Variants in CNTNAP2 observed in about 807,000 individuals in gnomAD.
CNTNAP2 encodes the protein contactin associated protein 2, also known as contactin-associated protein-like 2.
CNTNAP2 carries 98 observed loss-of-function variants against 155.2 expected under a neutral mutation model. The ratio of observed to expected loss-of-function variants is 0.63; its 90% CI spans 0.54 to 0.75. The LOEUF is 0.75. Among genes scored for constraint, CNTNAP2 ranks in the 30% least tolerant of loss-of-function variants. CNTNAP2 has a pLI of 0.00. For missense variants in CNTNAP2, 1,727 were observed against 1,688.1 expected, an observed-to-expected ratio of 1.02 and a Z score of -0.40; for synonymous variants, 651 against 631.2, an observed-to-expected ratio of 1.03 and a Z score of -0.47.
chr7:148,127,979 C>G (rs1307588308), intron 16 of CNTNAP2, among the ~76,000 whole-genome samples: 1 of 152,258 alleles, frequency 6.6e-6, no homozygotes, highest in South Asian at 2.1e-4. Flanking sequence ...AAGTGATCCT[C>G]TCACCTCAGC....
chr7:147,073,988 T>G (rs1456323831), intron 4 of CNTNAP2, among the ~76,000 whole-genome samples: 1 of 152,186 alleles, frequency 6.6e-6, no homozygotes, highest in Non-Finnish European at 1.5e-5. Flanking sequence ...GTTCGCTCTT[T>G]TAAACAGCCT....
intron 1 of CNTNAP2, among the ~76,000 whole-genome samples, chr7:146,145,095 TA>T (rs1186642622): frequency 6.6e-6 from 1 of 152,150 alleles, no homozygotes; most frequent in Admixed American, 6.5e-5. Context: ...GCAAAATAAA[TA>T]TACAAAATGT....
At chr7:147,920,130 G>A (rs539533589) in intron 14 of CNTNAP2, among the ~76,000 whole-genome samples, 105 of 151,572 alleles carry the variant, frequency 6.9e-4, no homozygotes, top group Non-Finnish European at 1.0e-3. Flanking sequence ...AGGCCGAGGC[G>A]GGCAGATCAC....
intron 1 of CNTNAP2, among the ~76,000 whole-genome samples, chr7:146,634,548 C>G (rs1031208577): frequency 6.6e-6 from 1 of 152,046 alleles, no homozygotes. Flanking sequence ...ACTGATTTTA[C>G]CCCTGATCAG....
At chr7:147,935,238 T>C (rs1433802450) in intron 14 of CNTNAP2, among the ~76,000 whole-genome samples, 3 of 152,128 alleles carry the variant, frequency 2.0e-5, no homozygotes, top group African/African-American at 7.2e-5. Flanking sequence ...GCGACTCTCC[T>C]GCCTCAGCCT....
In CNTNAP2 at chr7:147,383,844, T is replaced by TA. The variant is rs1483744845; in HGVS notation, c.1499-11764dup. Among the ~76,000 whole-genome samples the TA allele has an allele frequency of 7.9e-5, 12 of 151,738 alleles. No individual in the cohort carries two copies. The East Asian group carries it at 2.1e-3, about 27-fold the overall frequency. ...AAATGAATATACTAGAAAAAGAAAA[T>TA]ACCATATTCAGAAGTGCATACACAC... is the stretch of plus-strand genomic sequence containing the variant. On this transcript the variant is annotated intron_variant, in intron 9 of 23. Coordinates refer to ENST00000361727, the MANE Select transcript of CNTNAP2 (RefSeq NM_014141.6).
chr7:146,973,275 G>A (rs952109481), intron 3 of CNTNAP2, among the ~76,000 whole-genome samples: 8 of 152,034 alleles, frequency 5.3e-5, no homozygotes, highest in South Asian at 2.1e-4. Context: ...TGATCCACCC[G>A]CCTCAGCCTC....
intron 1 of CNTNAP2, among the ~76,000 whole-genome samples, chr7:146,134,087 C>G (rs1415252866): frequency 1.3e-5 from 2 of 149,332 alleles, no homozygotes; most frequent in Non-Finnish European, 3.0e-5. Flanking sequence ...TCTTTTATTT[C>G]CTTGAGCAGT....
At chr7:147,866,913 ATG>A (rs1799240208) in intron 13 of CNTNAP2, among the ~76,000 whole-genome samples, 1 of 152,042 alleles carries the variant, frequency 6.6e-6, no homozygotes, top group African/African-American at 2.4e-5. Context: ...ATTTGCCAAT[ATG>A]TGTCTTTTAA....
chr7:146,474,286 T>C (rs1204144989), intron 1 of CNTNAP2, among the ~76,000 whole-genome samples: 1 of 148,970 alleles, frequency 6.7e-6, no homozygotes, highest in East Asian at 1.9e-4. Context: ...ATTTCATTTA[T>C]ATAATATAAA....
At chr7:147,321,362 A>G (rs1370893615) in intron 9 of CNTNAP2, among the ~76,000 whole-genome samples, 1 of 152,178 alleles carries the variant, frequency 6.6e-6, no homozygotes, top group African/African-American at 2.4e-5. Context: ...ACTTCCTTCT[A>G]AAGCTGCCTC....
At chr7:147,648,728 A>T (rs1584878821) in intron 13 of CNTNAP2, among the ~76,000 whole-genome samples, 1 of 152,296 alleles carries the variant, frequency 6.6e-6, no homozygotes, top group African/African-American at 2.4e-5. Flanking sequence ...ACCTCCCACC[A>T]GGTCCCTCCC....
intron 1 of CNTNAP2, among the ~76,000 whole-genome samples, chr7:146,553,955 C>A (rs894648357): frequency 6.6e-6 from 1 of 151,966 alleles, no homozygotes. Context: ...TATTATTGTG[C>A]CTTTGGTTGA....
intron 1 of CNTNAP2, among the ~76,000 whole-genome samples, chr7:146,269,174 T>A (rs2129083008): frequency 6.6e-6 from 1 of 152,170 alleles, no homozygotes; most frequent in African/African-American, 2.4e-5. Context: ...ACCCCGTCTC[T>A]ACTAAAATAC....
At chr7:148,138,066 T>C (rs1173372725) in intron 16 of CNTNAP2, among the ~76,000 whole-genome samples, 1 of 152,220 alleles carries the variant, frequency 6.6e-6, no homozygotes, top group Admixed American at 6.5e-5. Flanking sequence ...TGATACAACC[T>C]ATCGGCAGAG....
intron 3 of CNTNAP2, among the ~76,000 whole-genome samples, chr7:146,919,002 C>G (rs573373789): frequency 6.6e-6 from 1 of 152,160 alleles, no homozygotes; most frequent in Non-Finnish European, 1.5e-5. Flanking sequence ...TTTTGCAGCT[C>G]TCTAAGTGTG....
intron 2 of CNTNAP2, among the ~76,000 whole-genome samples, chr7:146,788,127 G>T (rs1241542659): frequency 6.6e-6 from 1 of 152,186 alleles, no homozygotes; most frequent in Non-Finnish European, 1.5e-5. Flanking sequence ...CAGCCCAGAG[G>T]GAGCTTGTCC....
At chr7:146,454,529 G>A (rs950211127) in intron 1 of CNTNAP2, among the ~76,000 whole-genome samples, 1 of 151,772 alleles carries the variant, frequency 6.6e-6, no homozygotes. Flanking sequence ...CCTGGGACAC[G>A]TTAAAAAGAG....
chr7:146,379,752 A>G (rs1795355078), intron 1 of CNTNAP2, among the ~76,000 whole-genome samples: 1 of 152,166 alleles, frequency 6.6e-6, no homozygotes, highest in Non-Finnish European at 1.5e-5. Context: ...GCTTAGGATC[A>G]CTTGGGATTC....
Sources: gnomAD v4.1 joint callset for allele counts (sites outside exome capture counted in the v4.1 genomes callset) on GRCh38, gnomAD v4.1.1 for gene constraint, MANE v1.5 for transcripts, NCBI Gene and HGNC (gene_info 2026-07-23, HGNC 2026-07-21) for gene names.